The following NEK7 variants were observed in gnomAD, a reference collection of about 807,000 sequenced individuals.
The protein encoded by NEK7 is NIMA related kinase 7.
Under a neutral mutation model 44.6 loss-of-function variants are expected in NEK7, and 18 were observed. That is an observed-to-expected ratio of 0.40 (90% CI 0.28 to 0.60). NEK7 has a LOEUF of 0.60. NEK7 is among the 20% of genes least tolerant of loss of function. The probability of loss-of-function intolerance (pLI) is 0.38; values close to 1 mark genes in which losing one functional copy is unlikely to be tolerated. For missense variants in NEK7, 256 were observed against 366.5 expected, an observed-to-expected ratio of 0.70 and a Z score of 2.46; for synonymous variants, 130 against 121.1, an observed-to-expected ratio of 1.07 and a Z score of -0.48.
chr1:198,278,164 T>C, intron 6 of NEK7, 95 bp downstream of exon 6: 1 of 658,552 alleles, frequency 1.5e-6, no homozygotes, highest in Non-Finnish European at 2.6e-6. Context: ...TACCATACTT[T>C]TTCAGGTAAT....
At chr1:198,226,067 A>G (rs1666213682) in intron 1 of NEK7, among the ~76,000 whole-genome samples, 2 of 152,156 alleles carry the variant, frequency 1.3e-5, no homozygotes, top group South Asian at 4.1e-4. Context: ...TGTCCCTGAA[A>G]CATGGAACTT....
chr1:198,275,793 T>C lies in NEK7; in HGVS notation c.373-2168T>C, dbSNP rs998190231. Among the ~76,000 whole-genome samples, 6 of 151,260 alleles carry C rather than the reference T, an allele frequency of 4.0e-5. 1 individual carries two copies. Among genetic ancestry groups the C allele is most frequent in the South Asian group, 4.2e-4 (2 of 4,808 alleles). ...TAAGAGATAGCCAACAGTGCCACCA[T>C]CAGAACAGACAGGCTTTTCTCATTT... On this transcript the variant is annotated intron_variant, in intron 5 of 9. Coordinates refer to ENST00000367385, the MANE Select transcript of NEK7 (RefSeq NM_133494.3).
intron 6 of NEK7, 33 bp from the exon 7 acceptor site, chr1:198,278,918 TATC>T (rs1175293049): frequency 4.5e-6 from 5 of 1,105,948 alleles, no homozygotes; most frequent in South Asian, 4.1e-5. Context: ...CTAAAATGTC[TATC>T]ATCTTTTACC....
At chr1:198,233,494 G>T (rs956844013) in intron 2 of NEK7, among the ~76,000 whole-genome samples, 1 of 152,082 alleles carries the variant, frequency 6.6e-6, no homozygotes, top group African/African-American at 2.4e-5. Context: ...TCTACAATAT[G>T]TCTCATGTAT....
chr1:198,261,224 T>C (rs1035949470), intron 3 of NEK7, among the ~76,000 whole-genome samples: 1 of 152,050 alleles, frequency 6.6e-6, no homozygotes, highest in Non-Finnish European at 1.5e-5. Flanking sequence ...TTAATACTTA[T>C]TAGCTAGTTG....
intron 1 of NEK7, among the ~76,000 whole-genome samples, chr1:198,166,812 A>G (rs1212320703): frequency 2.0e-5 from 3 of 152,254 alleles, no homozygotes; most frequent in African/African-American, 7.2e-5. Context: ...AGAATATCCA[A>G]TATGTGACAC....
rs1372901381 is a variant in NEK7, at chr1:198,241,998, T to C, written c.57+9361T>C. On this transcript the variant is annotated intron_variant, in intron 2 of 9. Coordinates refer to ENST00000367385, the MANE Select transcript of NEK7 (RefSeq NM_133494.3). ...TTTTCTGCCTAGATGGCTTCTCCTTTAGCCTTGTTTTTACCAGTAAATGGC... is the reference window on the plus strand; with the variant it reads ...TTTTCTGCCTAGATGGCTTCTCCTTCAGCCTTGTTTTTACCAGTAAATGGC... Among the ~76,000 whole-genome samples, 7 of 152,338 alleles carry C rather than the reference T, an allele frequency of 4.6e-5. No homozygotes were observed. The South Asian group carries it at 1.5e-3, about 32-fold the overall frequency.
intron 1 of NEK7, among the ~76,000 whole-genome samples, chr1:198,158,618 G>T (rs17645257): frequency 0.011 from 1,679 of 152,330 alleles, 9 homozygotes; most frequent in Middle Eastern, 0.017. Flanking sequence ...GTCAAACCCT[G>T]AAAACGGTGA....
intron 1 of NEK7, among the ~76,000 whole-genome samples, chr1:198,227,175 G>A (rs370256449): frequency 1.3e-5 from 2 of 151,944 alleles, no homozygotes; most frequent in African/African-American, 2.4e-5. Context: ...AGCTTCATCC[G>A]TGTCCCTACA....
At chr1:198,158,386 A>T (rs1401105714) in intron 1 of NEK7, among the ~76,000 whole-genome samples, 1 of 152,222 alleles carries the variant, frequency 6.6e-6, no homozygotes, top group East Asian at 1.9e-4. Flanking sequence ...CATAATGGGA[A>T]CCACTGTTTC....
chr1:198,216,181 C>T (rs973285595), intron 1 of NEK7, among the ~76,000 whole-genome samples: 4 of 151,992 alleles, frequency 2.6e-5, no homozygotes, highest in African/African-American at 9.7e-5. Context: ...ATATGATAGG[C>T]CACAAAATGA....
chr1:198,170,630 G>A (rs1001545042), intron 1 of NEK7, among the ~76,000 whole-genome samples: 1 of 152,136 alleles, frequency 6.6e-6, no homozygotes, highest in African/African-American at 2.4e-5. Flanking sequence ...ATGTTGCACT[G>A]AGTTAAATAA....
At chr1:198,196,670 G>T (rs141249047) in intron 1 of NEK7, among the ~76,000 whole-genome samples, 4 of 152,176 alleles carry the variant, frequency 2.6e-5, no homozygotes, top group Non-Finnish European at 4.4e-5. Flanking sequence ...AGCTTGAGGC[G>T]TCATATCCAC....
intron 9 of NEK7, among the ~76,000 whole-genome samples, chr1:198,311,321 C>G (rs1033869881): frequency 1.3e-5 from 2 of 152,012 alleles, no homozygotes; most frequent in African/African-American, 4.8e-5. Flanking sequence ...TGCTTATCAG[C>G]TTGAGGAGAT....
intron 1 of NEK7, among the ~76,000 whole-genome samples, chr1:198,209,270 G>C (rs540668686): frequency 6.6e-6 from 1 of 151,208 alleles, no homozygotes; most frequent in East Asian, 1.9e-4. Context: ...ACATGCAAAT[G>C]TGCTTTTCTT....
At chr1:198,281,796 ATTTTGTGTCTCT>A in intron 7 of NEK7, among the ~76,000 whole-genome samples, 1 of 152,150 alleles carries the variant, frequency 6.6e-6, no homozygotes. Context: ...TTGTCTATTC[ATTTTGTGTCTCT>A]TATTTGTATC....
intron 2 of NEK7, among the ~76,000 whole-genome samples, chr1:198,237,359 C>T (rs1666567119): frequency 6.6e-6 from 1 of 152,150 alleles, no homozygotes; most frequent in Non-Finnish European, 1.5e-5. Context: ...CATTTGCCTA[C>T]TTGGCATCAA....
At chr1:198,279,153 C>T in intron 7 of NEK7, 92 bp downstream of exon 7, 1 of 733,372 alleles carries the variant, frequency 1.4e-6, no homozygotes, top group South Asian at 1.7e-5. Flanking sequence ...CTCTTACATT[C>T]TTAATAAAAC....
intron 7 of NEK7, among the ~76,000 whole-genome samples, chr1:198,279,292 A>T (rs953032478): frequency 6.6e-6 from 1 of 151,936 alleles, no homozygotes; most frequent in African/African-American, 2.4e-5. Flanking sequence ...AAAAAAAAAA[A>T]TGCTGATAAG....
Sources: allele counts gnomAD v4.1 joint callset (sites outside exome capture counted in the v4.1 genomes callset), GRCh38; gene constraint gnomAD v4.1.1; transcripts MANE v1.5; gene names NCBI Gene and HGNC (gene_info 2026-07-23, HGNC 2026-07-21).